The following RFT1 variants were observed in gnomAD, a reference collection of about 807,000 sequenced individuals.
RFT1 encodes RFT1 glycolipid translocator homolog.
Under a neutral mutation model 62.2 loss-of-function variants are expected in RFT1, and 43 were observed. That is an observed-to-expected ratio of 0.69 (90% CI 0.54 to 0.89). The LOEUF is 0.89. RFT1 is among the 40% of genes least tolerant of loss of function. The pLI is 0.00. For missense variants in RFT1, 605 were observed against 649.9 expected (o/e 0.93, Z 0.75); for synonymous variants, 262 against 264.6 (o/e 0.99, Z 0.10).
intron 3 of RFT1, 111 bp from the exon 4 acceptor site, chr3:53,122,674 T>C: frequency 1.6e-6 from 1 of 618,640 alleles, no homozygotes; most frequent in Non-Finnish European, 2.4e-6. Context: ...AGCTACCATT[T>C]ATTTATAAGA....
At chr3:53,075,378 G>A in the RFT1 span, among the ~76,000 whole-genome samples, 43 of 152,334 alleles carry the variant, frequency 2.8e-4, no homozygotes, top group African/African-American at 1.0e-3. Flanking sequence ...GGCTGAGGGA[G>A]AGGATATGCG....
At chr3:53,108,554 A>C (rs965973829) in intron 7 of RFT1, among the ~76,000 whole-genome samples, 1 of 150,938 alleles carries the variant, frequency 6.6e-6, no homozygotes, top group Non-Finnish European at 1.5e-5. Context: ...ATCCCCAGCT[A>C]ATGTTTTTTT....
chr3:53,122,351 T>C lies in RFT1; in HGVS notation c.456+23A>G. The C allele has an allele frequency of 2.5e-6, 4 of 1,610,668 alleles. 1 individual carries two copies. Among genetic ancestry groups the C allele is most frequent in the South Asian group, 1.1e-5 (1 of 91,004 alleles). On this transcript the variant is annotated intron_variant, in intron 4 of 12. Transcript: ENST00000296292. Reference sequence around the variant, plus strand: ...TTTTTCTTATTCTTCCCATTTCCCATTCACAGCAGAAGGTGCACTGACCTT... The same window carrying C: ...TTTTTCTTATTCTTCCCATTTCCCACTCACAGCAGAAGGTGCACTGACCTT...
intron 10 of RFT1, chr3:53,103,108 T>C: frequency 1.0e-6 from 1 of 985,420 alleles, no homozygotes; most frequent in Non-Finnish European, 1.2e-6. Flanking sequence ...TTTGCTCTGG[T>C]ATAGAAACCT....
At chr3:53,108,545 T>A (rs1017876708) in intron 7 of RFT1, among the ~76,000 whole-genome samples, 1 of 151,122 alleles carries the variant, frequency 6.6e-6, no homozygotes, top group Non-Finnish European at 1.5e-5. Context: ...CCCGCCACCA[T>A]CCCCAGCTAA....
At chr3:53,108,324 T>C (rs989679046) in intron 7 of RFT1, among the ~76,000 whole-genome samples, 3 of 151,910 alleles carry the variant, frequency 2.0e-5, no homozygotes, top group African/African-American at 7.3e-5. Context: ...AGTGCTTGGA[T>C]TGCAGGTGTG....
chr3:53,072,031 T>C, the RFT1 span, among the ~76,000 whole-genome samples: 79,752 of 152,088 alleles, frequency 0.52, 21,765 homozygotes, highest in East Asian at 0.71. Context: ...CCTCACATAG[T>C]TCCTCTGGCC....
At chr3:53,120,122 T>C (rs1701928758) in intron 5 of RFT1, 101 bp from the exon 6 acceptor site, 2 of 512,160 alleles carry the variant, frequency 3.9e-6, no homozygotes, top group Admixed American at 4.6e-5. Context: ...CTTGATTAAC[T>C]GCACTTTCTA....
rs1700963790 is a variant in RFT1 at position 53,090,671 on chromosome 3, G to T, written c.*1232C>A. 4 of 152,202 alleles carry T rather than the reference G, an allele frequency of 2.6e-5. No homozygotes were observed. The South Asian group carries it at 8.3e-4, about 32-fold the overall frequency. The allele number at this position is 152,202 out of a possible 1,614,324, so 9.4% of individuals were successfully genotyped here. A position where few individuals can be genotyped will look rare whatever the true frequency, so the allele number is the denominator to read the frequency against. ...CCTCTCTCTAGGTGTAGACACAGAA[G>T]GTTTGGGGCACTGAGTGACAGGATT... On this transcript the variant is annotated 3_prime_UTR_variant, in exon 13 of 13. Coordinates refer to ENST00000296292, the MANE Select transcript of RFT1 (RefSeq NM_052859.4).
chr3:53,092,394 C>T lies in RFT1; in HGVS notation c.1433G>A (p.Ser478Asn), dbSNP rs992848842. Reference sequence around the variant, plus strand: ...CTCCGAAACAGCAGTAACCCCACCACTGAGGGCAAATGTCCCGAGCAGGAC... The same window carrying T: ...CTCCGAAACAGCAGTAACCCCACCATTGAGGGCAAATGTCCCGAGCAGGAC... The part of the protein sequence containing the change: ...SPVLLGTFAL[S>N]GGVTAVSEVF... The change falls in exon 12 of 13, where the codon AGT becomes AAT. Residue 478 changes from serine (S) to asparagine (N), a missense_variant. Physicochemically the swap from Ser to Asn is conservative, Grantham distance 46. Transcript: ENST00000296292. The T allele has an allele frequency of 6.2e-7, 1 of 1,604,746 alleles. No homozygotes were observed. The highest frequency in any genetic ancestry group is 1.1e-5 in the South Asian group (1 of 89,094).
At chr3:53,096,935 G>T (rs1211096213) in intron 11 of RFT1, among the ~76,000 whole-genome samples, 1 of 151,982 alleles carries the variant, frequency 6.6e-6, no homozygotes, top group African/African-American at 2.4e-5. Flanking sequence ...AGTAGAGACA[G>T]GGTTTCACCA....
Position 53,090,320 on chromosome 3 carries a change from G to A in RFT1, c.*1583C>T, listed in dbSNP as rs1700955855. ...CAGGGACAGAGAAAGGACATGGGAGGGAAGGAGGACTGCCTTCCGTGTGTG... is the reference window on the plus strand; with the variant it reads ...CAGGGACAGAGAAAGGACATGGGAGAGAAGGAGGACTGCCTTCCGTGTGTG... On this transcript the variant is annotated 3_prime_UTR_variant, in exon 13 of 13. Transcript: ENST00000296292. 6.5e-6 allele frequency: 1 copy of A among 152,712 alleles called. No individual in the cohort carries two copies. Among genetic ancestry groups the A allele is most frequent in the Non-Finnish European group, 1.5e-5 (1 of 68,098 alleles). The allele number at this position is 152,712 out of a possible 1,614,324, so 9.5% of individuals were successfully genotyped here. A position where few individuals can be genotyped will look rare whatever the true frequency, so the allele number is the denominator to read the frequency against.
the RFT1 span, among the ~76,000 whole-genome samples, chr3:53,070,464 C>T: frequency 1.9e-4 from 25 of 131,362 alleles, no homozygotes; most frequent in South Asian, 5.1e-4. Context: ...TGCAGTGGCA[C>T]GATCTCAGCT....
downstream of RFT1, among the ~76,000 whole-genome samples, chr3:53,083,718 G>A (rs182035928): frequency 2.2e-4 from 33 of 152,272 alleles, no homozygotes; most frequent in African/African-American, 6.5e-4. Flanking sequence ...CAGCCCCACC[G>A]GGCAGCCAGA....
rs1362059287 is a variant in RFT1, at chr3:53,090,576, G to A, written c.*1327C>T. 6.6e-6 allele frequency: 1 copy of A among 152,122 alleles called. No individual in the cohort carries two copies. The highest frequency in any genetic ancestry group is 1.9e-4 in the East Asian group (1 of 5,204). The allele number at this position is 152,122 out of a possible 1,614,324, so 9.4% of individuals were successfully genotyped here. ...GACAGGTCTTAATCCTTAGCCCCTG[G>A]GTACTGGCTCTGGGCAAGCAGATTT... On this transcript the variant is annotated 3_prime_UTR_variant, in exon 13 of 13. Coordinates refer to ENST00000296292, the MANE Select transcript of RFT1 (RefSeq NM_052859.4).
intron 10 of RFT1, among the ~76,000 whole-genome samples, chr3:53,100,084 A>G (rs180736657): frequency 9.0e-4 from 137 of 152,318 alleles, no homozygotes; most frequent in African/African-American, 3.2e-3. Context: ...CCCTTTTTTC[A>G]TCAGCATGAA....
intron 10 of RFT1, 117 bp from the exon 11 acceptor site, chr3:53,099,603 C>A: frequency 1.3e-6 from 1 of 762,816 alleles, no homozygotes; most frequent in Admixed American, 2.0e-5. Flanking sequence ...CTGGTATCAG[C>A]AATGGGCAGA....
rs1052829819 is a variant in RFT1 at position 53,099,615 on chromosome 3, T to C, written c.1103-129A>G. 6 of 721,612 alleles carry C rather than the reference T, an allele frequency of 8.3e-6. No homozygotes were observed. The East Asian group carries it at 1.6e-4, about 19-fold the overall frequency. 44.7% of individuals were successfully genotyped at this position (721,612 alleles called of 1,614,324 possible). A position where few individuals can be genotyped will look rare whatever the true frequency, so the allele number is the denominator to read the frequency against. ...CTGCTGGTATCAGCAATGGGCAGAC[T>C]GCATGCTAGAGCCCAGGGTCTTAAT... On this transcript the variant is annotated intron_variant, in intron 10 of 12. Transcript: ENST00000296292.
At chr3:53,097,748 T>A (rs1357597383) in intron 11 of RFT1, among the ~76,000 whole-genome samples, 2 of 152,234 alleles carry the variant, frequency 1.3e-5, no homozygotes, top group African/African-American at 4.8e-5. Flanking sequence ...AGTGCCTCAT[T>A]TCACATGTTT....
Sources: allele counts gnomAD v4.1 joint callset (sites outside exome capture counted in the v4.1 genomes callset), GRCh38; gene constraint gnomAD v4.1.1; transcripts MANE v1.5; gene names NCBI Gene and HGNC (gene_info 2026-07-23, HGNC 2026-07-21).